TRDMT1: variants seen among roughly 807,000 people sequenced by gnomAD.
The protein encoded by TRDMT1 is tRNA (cytosine(38)-C(5))-methyltransferase.
A neutral mutation model predicts 51.2 loss-of-function variants in TRDMT1; 49 were observed. The ratio of observed to expected loss-of-function variants is 0.96; its 90% CI spans 0.76 to 1.21. The LOEUF (loss-of-function observed/expected upper bound fraction) is 1.21. Ranked by LOEUF, TRDMT1 falls within the 50% of genes most tolerant of loss-of-function variation. TRDMT1 has a pLI of 0.00. For missense variants in TRDMT1, 534 were observed against 462.3 expected (o/e 1.16, Z -1.42); for synonymous variants, 187 against 164.6 (o/e 1.14, Z -1.04).
chr10:17,166,218 T>C (rs1282308187), intron 3 of TRDMT1, among the ~76,000 whole-genome samples: 1 of 151,986 alleles, frequency 6.6e-6, no homozygotes, highest in Non-Finnish European at 1.5e-5. Context: ...ATGTCCTTTG[T>C]AGGGACATGG....
chr10:17,154,394 AGGCTGAGTTTC>A (rs1188839385), intron 9 of TRDMT1, among the ~76,000 whole-genome samples: 4 of 152,172 alleles, frequency 2.6e-5, no homozygotes, highest in African/African-American at 9.6e-5. Context: ...TAACTATTGT[AGGCTGAGTTTC>A]AACTACTATT....
chr10:17,160,289 T>C lies in TRDMT1; in HGVS notation c.459+16A>G, dbSNP rs765055592. 5 of 1,461,204 alleles carry C rather than the reference T, an allele frequency of 3.4e-6. No homozygotes were observed. The highest frequency in any genetic ancestry group is 2.4e-5 in the Admixed American group (1 of 41,900). 90.5% of individuals were successfully genotyped at this position (1,461,204 alleles called of 1,614,324 possible). On this transcript the variant is annotated intron_variant, in intron 6 of 10. Transcript: ENST00000377799. ...AAATTATAATTTATATAAGCATTTA[T>C]AACTGTGATACCTACAGAGGTTGGA...
chr10:17,155,685 C>T (rs1455416259), intron 8 of TRDMT1, among the ~76,000 whole-genome samples: 32 of 152,106 alleles, frequency 2.1e-4, no homozygotes, highest in Non-Finnish European at 7.4e-5. Flanking sequence ...GCCAAGCTGG[C>T]TGTTCAACAT....
chr10:17,181,160 A>C (rs949381480), intron 1 of TRDMT1, among the ~76,000 whole-genome samples: 1 of 152,202 alleles, frequency 6.6e-6, no homozygotes, highest in African/African-American at 2.4e-5. Flanking sequence ...AGTCAGACTA[A>C]TGAGACAGAA....
chr10:17,183,363 T>C (rs1270856767), intron 1 of TRDMT1, among the ~76,000 whole-genome samples: 1 of 152,200 alleles, frequency 6.6e-6, no homozygotes, highest in Non-Finnish European at 1.5e-5. Flanking sequence ...TTCTTTAAAC[T>C]CTTTTGAATA....
chr10:17,164,787 A>G (rs1287044002), intron 3 of TRDMT1, among the ~76,000 whole-genome samples: 11 of 152,176 alleles, frequency 7.2e-5, no homozygotes, highest in Non-Finnish European at 5.9e-5. Context: ...AAAGAGAATA[A>G]AATACCTAGG....
intron 8 of TRDMT1, among the ~76,000 whole-genome samples, chr10:17,156,800 T>A (rs1300338451): frequency 6.6e-6 from 1 of 152,114 alleles, no homozygotes; most frequent in Non-Finnish European, 1.5e-5. Flanking sequence ...TAAAGGGGGA[T>A]AAAATATACA....
At chr10:17,153,691 T>C (rs1349344841) in intron 9 of TRDMT1, 55 bp from the exon 10 acceptor site, 2 of 1,500,384 alleles carry the variant, frequency 1.3e-6, no homozygotes, top group South Asian at 2.7e-5. Context: ...AGATTTAAGA[T>C]CTCCTGCTGT....
chr10:17,183,779 A>G (rs1025761804), intron 1 of TRDMT1, among the ~76,000 whole-genome samples: 24 of 152,342 alleles, frequency 1.6e-4, no homozygotes, highest in Admixed American at 1.4e-3. Flanking sequence ...TTTTGGAACG[A>G]AAGAATTCAA....
chr10:17,201,499 C>T (rs1846170378), intron 1 of TRDMT1, 72 bp downstream of exon 1: 14 of 1,217,086 alleles, frequency 1.2e-5, no homozygotes, highest in Non-Finnish European at 1.6e-5. Context: ...GCCGCTCCGC[C>T]CCTTCCCGGC....
At chr10:17,152,866 T>C (rs976460067) in intron 10 of TRDMT1, 1 of 152,516 alleles carries the variant, frequency 6.6e-6, no homozygotes, top group African/African-American at 2.4e-5. Context: ...TTCTTGAGAT[T>C]CCTTGCTGTA....
rs1335816362 is a variant in TRDMT1 at position 17,152,854 on chromosome 10, T to A, written c.1075+653A>T. ...CACTCTACAACTAAATCTTCCCATT[T>A]GTTCTTGAGATTCCTTGCTGTAGAT... On this transcript the variant is annotated intron_variant, in intron 10 of 10. Coordinates refer to ENST00000377799, the MANE Select transcript of TRDMT1 (RefSeq NM_004412.7). 6 of 152,532 alleles carry A rather than the reference T, an allele frequency of 3.9e-5. 1 individual carries two copies. In the East Asian group the frequency reaches 9.6e-4, roughly 24 times the overall value. 9.4% of individuals were successfully genotyped at this position (152,532 alleles called of 1,614,324 possible).
At chr10:17,174,944 A>T (rs879935560) in intron 1 of TRDMT1, among the ~76,000 whole-genome samples, 2 of 152,228 alleles carry the variant, frequency 1.3e-5, no homozygotes, top group Non-Finnish European at 2.9e-5. Context: ...ATTAAGAGAC[A>T]CACTTATAAG....
rs187120057 is a variant in TRDMT1, at chr10:17,170,756, G to A, written c.175-1839C>T. ...CCCATGTGAGTTATATAGATTTCTTGTTATACAGATTCTTGTGTTGTTACT... is the reference window on the plus strand; with the variant it reads ...CCCATGTGAGTTATATAGATTTCTTATTATACAGATTCTTGTGTTGTTACT... On this transcript the variant is annotated intron_variant, in intron 2 of 10. Coordinates refer to ENST00000377799, the MANE Select transcript of TRDMT1 (RefSeq NM_004412.7). 3.3e-5 allele frequency among the ~76,000 whole-genome samples: 5 copies of A among 152,064 alleles called. No individual in the cohort carries two copies. In the East Asian group the frequency reaches 9.7e-4, roughly 29 times the overall value.
intron 1 of TRDMT1, 89 bp downstream of exon 1, chr10:17,201,482 G>GTCCGCCCCTAT: frequency 1.1e-6 from 1 of 944,106 alleles, no homozygotes; most frequent in South Asian, 1.5e-5. Context: ...TCCGCCCCTT[G>GTCCGCCCCTAT]CGTCTCGCCG....
Position 17,171,111 on chromosome 10 carries a change from ATGTGTGTGTG to A in TRDMT1, c.175-2204_175-2195del, listed in dbSNP as rs66891484. 1.2e-4 allele frequency among the ~76,000 whole-genome samples: 17 copies of A among 142,822 alleles called. No individual in the cohort carries two copies. The South Asian group carries it at 1.3e-3, about 11-fold the overall frequency. The allele number at this position is 142,822 out of a possible 152,430, so 93.7% of individuals were successfully genotyped here. A position where few individuals can be genotyped will look rare whatever the true frequency, so the allele number is the denominator to read the frequency against. ...CCATTTGGTATGTTACTGGATTTAG[ATGTGTGTGTG>A]TGTGTGTGTGTGTGTGTGTGTAGTC... On this transcript the variant is annotated intron_variant, in intron 2 of 10. Coordinates refer to ENST00000377799, the MANE Select transcript of TRDMT1 (RefSeq NM_004412.7).
chr10:17,158,841 C>T lies in TRDMT1; in HGVS notation c.543+305G>A, dbSNP rs528413165. On this transcript the variant is annotated intron_variant, in intron 7 of 10. Transcript: ENST00000377799. ...AAAATGATAAATGCAAAATAGTCAA[C>T]GGTCAAAAGGGAAATTATGGGGGAA... Among the ~76,000 whole-genome samples the T allele has an allele frequency of 3.6e-4, 55 of 152,040 alleles. No individual in the cohort carries two copies. The South Asian group carries it at 0.011, about 29-fold the overall frequency.
At position 17,160,771 on chromosome 10, in the gene TRDMT1, C is replaced by A. The variant is rs555730656; in HGVS notation, c.390-397G>T. On this transcript the variant is annotated intron_variant, in intron 5 of 10. Coordinates refer to ENST00000377799, the MANE Select transcript of TRDMT1 (RefSeq NM_004412.7). ...CAGGCGTGAGCCACCGCGCCCGGCC[C>A]ACAAAACCTCATTTTAAGTGAAAAC... 1.5e-3 allele frequency among the ~76,000 whole-genome samples: 235 copies of A among 152,252 alleles called. 1 individual carries two copies. The highest frequency in any genetic ancestry group is 5.4e-3 in the African/African-American group (224 of 41,558).
intron 8 of TRDMT1, among the ~76,000 whole-genome samples, 167 bp downstream of exon 8, chr10:17,157,274 T>G (rs1839654230): frequency 6.6e-6 from 1 of 152,208 alleles, no homozygotes; most frequent in African/African-American, 2.4e-5. Flanking sequence ...AACGGAATTT[T>G]TACTTGTGTT....
Sources: allele counts gnomAD v4.1 joint callset (sites outside exome capture counted in the v4.1 genomes callset), GRCh38; gene constraint gnomAD v4.1.1; transcripts MANE v1.5; gene names NCBI Gene and HGNC (gene_info 2026-07-23, HGNC 2026-07-21).